DGKG: variants seen among roughly 807,000 people sequenced by gnomAD.
The protein encoded by DGKG is diacylglycerol kinase gamma.
Under a neutral mutation model 105.3 loss-of-function variants are expected in DGKG, and 78 were observed. The observed-to-expected ratio is 0.74, with a 90% CI of 0.62 to 0.89. DGKG has a LOEUF of 0.89. Among genes scored for constraint, DGKG ranks in the 40% least tolerant of loss-of-function variants. The pLI is 0.00. For synonymous variants in DGKG, 346 were observed against 367.1 expected, an observed-to-expected ratio of 0.94 and a Z score of 0.66; for missense variants, 958 against 1,020.1, an observed-to-expected ratio of 0.94 and a Z score of 0.83.
chr3:186,221,173 G>A (rs1357611766), intron 20 of DGKG, among the ~76,000 whole-genome samples: 4 of 152,230 alleles, frequency 2.6e-5, no homozygotes, highest in Non-Finnish European at 5.9e-5. Flanking sequence ...CCACTGTGCT[G>A]TGAAAGGCAC....
intron 20 of DGKG, among the ~76,000 whole-genome samples, chr3:186,214,195 TAACTGAGAAGATCA>T (rs1560098637): frequency 1.3e-5 from 2 of 152,220 alleles, no homozygotes; most frequent in African/African-American, 2.4e-5. Context: ...CATCGCAGAA[TAACTGAGAAGATCA>T]AACGGACTAC....
At chr3:186,155,251 G>A (rs1425709513) in intron 24 of DGKG, among the ~76,000 whole-genome samples, 1 of 152,104 alleles carries the variant, frequency 6.6e-6, no homozygotes, top group Non-Finnish European at 1.5e-5. Context: ...GGAGTGCAAC[G>A]GCGTGATCTC....
At chr3:186,202,460 A>C (rs1017751548) in intron 21 of DGKG, among the ~76,000 whole-genome samples, 3 of 152,268 alleles carry the variant, frequency 2.0e-5, no homozygotes, top group Non-Finnish European at 2.9e-5. Context: ...TAGAGGAAGA[A>C]AAGGATTGTA....
chr3:186,274,821 T>C (rs1722501839), intron 10 of DGKG, among the ~76,000 whole-genome samples: 1 of 152,170 alleles, frequency 6.6e-6, no homozygotes, highest in Admixed American at 6.5e-5. Flanking sequence ...AAGTCTTTGC[T>C]GTTGTGAATA....
At chr3:186,251,708 C>T in intron 19 of DGKG, 51 bp downstream of exon 19, 1 of 1,608,428 alleles carries the variant, frequency 6.2e-7, no homozygotes, top group South Asian at 1.1e-5. Context: ...GGCTGGAACC[C>T]TTCCTGGGCG....
Position 186,280,326 on chromosome 3 carries a change from A to G in DGKG, c.669+344T>C, listed in dbSNP as rs555344950. ...GGAGCCCCCAAATGTAATTATTCTT[A>G]TAATTCATATTATCTGGTGATTGAG... On this transcript the variant is annotated intron_variant, in intron 8 of 24. Coordinates refer to ENST00000265022, the MANE Select transcript of DGKG (RefSeq NM_001346.3). Among the ~76,000 whole-genome samples, 35 of 152,374 alleles carry G rather than the reference A, an allele frequency of 2.3e-4. 1 individual carries two copies. The South Asian group carries it at 7.0e-3, about 31-fold the overall frequency.
intron 20 of DGKG, among the ~76,000 whole-genome samples, chr3:186,215,638 A>G (rs1030612580): frequency 7.2e-5 from 11 of 152,068 alleles, no homozygotes; most frequent in African/African-American, 2.7e-4. Context: ...GGGCCTGGAC[A>G]AGGGTCATGA....
At chr3:186,314,328 G>C (rs942268309) in intron 2 of DGKG, among the ~76,000 whole-genome samples, 2 of 151,974 alleles carry the variant, frequency 1.3e-5, no homozygotes, top group Non-Finnish European at 2.9e-5. Flanking sequence ...GGGACTTTTG[G>C]TTCTAATTTC....
At position 186,190,331 on chromosome 3, in the gene DGKG, T is replaced by TA. The variant is rs1379321386; in HGVS notation, c.1918-1953dup. Among the ~76,000 whole-genome samples, 41 of 152,308 alleles carry TA rather than the reference T, an allele frequency of 2.7e-4. No individual in the cohort carries two copies. The South Asian group carries it at 8.1e-3, about 30-fold the overall frequency. Reference sequence around the variant, plus strand: ...CACACACTCTAGTTTGTTACCCTGCTATTTGGCAAGACCCCCAACATTGAA... The same window carrying TA: ...CACACACTCTAGTTTGTTACCCTGCTAATTTGGCAAGACCCCCAACATTGAA... On this transcript the variant is annotated intron_variant, in intron 21 of 24. Transcript: ENST00000265022.
intron 17 of DGKG, among the ~76,000 whole-genome samples, chr3:186,256,704 T>A (rs996426722): frequency 1.3e-5 from 2 of 152,196 alleles, no homozygotes; most frequent in Non-Finnish European, 2.9e-5. Context: ...TCGAATCCAC[T>A]CTGCTTTGAC....
chr3:186,342,794 T>C (rs558282731), intron 1 of DGKG, among the ~76,000 whole-genome samples: 1 of 152,216 alleles, frequency 6.6e-6, no homozygotes, highest in South Asian at 2.1e-4. Context: ...TTAGATGAGA[T>C]TCTGGAATAG....
intron 1 of DGKG, among the ~76,000 whole-genome samples, chr3:186,355,734 C>CTA (rs1320769527): frequency 2.0e-5 from 3 of 152,068 alleles, no homozygotes; most frequent in African/African-American, 4.8e-5. Flanking sequence ...CATCACTGTC[C>CTA]TACCACCAGC....
At chr3:186,162,189 C>G (rs1716325123) in intron 23 of DGKG, among the ~76,000 whole-genome samples, 1 of 152,228 alleles carries the variant, frequency 6.6e-6, no homozygotes, top group South Asian at 2.1e-4. Context: ...AGCCACTGCG[C>G]TCGGCCGGGT....
intron 5 of DGKG, among the ~76,000 whole-genome samples, chr3:186,292,655 G>A (rs1005900462): frequency 8.4e-5 from 12 of 143,378 alleles, no homozygotes; most frequent in African/African-American, 1.3e-4. Context: ...TTAGCTGGGC[G>A]TGGTGGCGGG....
intron 20 of DGKG, among the ~76,000 whole-genome samples, chr3:186,236,814 T>G (rs1720441721): frequency 6.6e-6 from 1 of 152,186 alleles, no homozygotes; most frequent in African/African-American, 2.4e-5. Flanking sequence ...GGAAATAACT[T>G]GCTTCAGCCT....
At chr3:186,320,284 T>C (rs1187121291) in intron 2 of DGKG, 109 bp downstream of exon 2, 2 of 1,342,478 alleles carry the variant, frequency 1.5e-6, no homozygotes, top group Non-Finnish European at 2.1e-6. Context: ...CCGTCAGGCC[T>C]GACATCATTC....
At chr3:186,353,008 TCA>T (rs1726709280) in intron 1 of DGKG, among the ~76,000 whole-genome samples, 1 of 152,178 alleles carries the variant, frequency 6.6e-6, no homozygotes. Flanking sequence ...ACTTTCTGAC[TCA>T]CAGTTTTTGC....
chr3:186,223,125 C>A (rs1719679257), intron 20 of DGKG, among the ~76,000 whole-genome samples: 1 of 149,044 alleles, frequency 6.7e-6, no homozygotes, highest in Admixed American at 6.8e-5. Flanking sequence ...TGAGTTCCAA[C>A]TTAAAGTACA....
chr3:186,299,389 C>T (rs576269659), intron 3 of DGKG, among the ~76,000 whole-genome samples: 2 of 152,276 alleles, frequency 1.3e-5, no homozygotes, highest in South Asian at 4.1e-4. Flanking sequence ...AAAATCTTGG[C>T]CTTAAAAGCG....
Sources: allele counts gnomAD v4.1 joint callset (sites outside exome capture counted in the v4.1 genomes callset), GRCh38; gene constraint gnomAD v4.1.1; transcripts MANE v1.5; gene names NCBI Gene and HGNC (gene_info 2026-07-23, HGNC 2026-07-21).